CEACAM18: variants seen among roughly 807,000 people sequenced by gnomAD.
CEACAM18 encodes CEA cell adhesion molecule 18, also known as cell adhesion molecule CEACAM18.
Under a neutral mutation model 34.3 loss-of-function variants are expected in CEACAM18, and 33 were observed. That is an observed-to-expected ratio of 0.96 (90% CI 0.73 to 1.29). The LOEUF (loss-of-function observed/expected upper bound fraction) is 1.29. Among genes scored for constraint, CEACAM18 ranks in the 50% most tolerant of loss-of-function variants. CEACAM18 has a pLI of 0.00. For synonymous variants in CEACAM18, 169 were observed against 180.9 expected, an observed-to-expected ratio of 0.93 and a Z score of 0.53; for missense variants, 474 against 485.0, an observed-to-expected ratio of 0.98 and a Z score of 0.21.
intron 5 of CEACAM18, among the ~76,000 whole-genome samples, chr19:51,486,719 CTTTCT>C (rs1188196400): frequency 7.3e-6 from 1 of 136,710 alleles, no homozygotes; most frequent in Non-Finnish European, 1.5e-5. Flanking sequence ...TCTTTCTTTT[CTTTCT>C]TTTTTTTTTT....
chr19:51,481,082 C>A lies in CEACAM18; in HGVS notation c.401-311C>A, dbSNP rs544493892. On this transcript the variant is annotated intron_variant, in intron 2 of 5. Coordinates refer to ENST00000396477, the Ensembl canonical transcript of CEACAM18. ...GCCAAATGCCACCTCTCACTCAGAA[C>A]CTCTCGTGTCTCCTGGATGAGGGTC... 2.6e-5 allele frequency among the ~76,000 whole-genome samples: 4 copies of A among 152,274 alleles called. No homozygotes were observed. In the South Asian group the frequency reaches 8.3e-4, roughly 32 times the overall value.
At chr19:51,481,529 C>T (rs188923363) in exon 3 of CEACAM18, 1 of 1,613,968 alleles carries the variant, frequency 6.2e-7, no homozygotes, top group African/African-American at 1.3e-5. Flanking sequence ...CTAGTAGTGA[C>T]CGGATGACAA....
intron 1 of CEACAM18, among the ~76,000 whole-genome samples, chr19:51,480,109 G>A (rs73558842): frequency 0.021 from 3,134 of 152,210 alleles, 103 homozygotes; most frequent in African/African-American, 0.072. Flanking sequence ...TGTGGCTAGC[G>A]AGGAGGGCCT....
intron 1 of CEACAM18, 87 bp downstream of exon 1, chr19:51,478,781 T>G: frequency 1.0e-5 from 10 of 964,966 alleles, no homozygotes; most frequent in Non-Finnish European, 1.3e-5. Context: ...GCTGGGACCA[T>G]CCCCATCCAC....
chr19:51,486,804 G>A (rs1245870795), intron 5 of CEACAM18, among the ~76,000 whole-genome samples: 12 of 148,190 alleles, frequency 8.1e-5, no homozygotes, highest in Middle Eastern at 3.2e-3. Flanking sequence ...TGCAAGCTCC[G>A]CCTCCCAGGT....
At chr19:51,478,684 C>T in exon 1 of CEACAM18, 23 of 1,466,434 alleles carry the variant, frequency 1.6e-5, no homozygotes, top group Non-Finnish European at 2.1e-5. Context: ...GGAGGAGGGT[C>T]TTCCTCATGG....
chr19:51,480,194 A>G (rs1568522949), intron 1 of CEACAM18, 139 bp from the exon 2 acceptor site: 6 of 701,252 alleles, frequency 8.6e-6, no homozygotes, highest in South Asian at 7.7e-5. Context: ...TGGGGACTCT[A>G]CCAGGAGCCA....
chr19:51,483,127 G>T, exon 4 of CEACAM18: 1 of 1,613,960 alleles, frequency 6.2e-7, no homozygotes, highest in Non-Finnish European at 8.5e-7. Context: ...TTCCTTCCTG[G>T]ATCTCAAGTA....
intron 5 of CEACAM18, among the ~76,000 whole-genome samples, chr19:51,489,170 AAAGTG>A (rs1269255120): frequency 1.4e-4 from 21 of 148,308 alleles, no homozygotes; most frequent in African/African-American, 2.2e-4. Flanking sequence ...CTCATCATCC[AAAGTG>A]AAATTTTGGA....
chr19:51,490,917 G>A (rs1990082238), exon 6 of CEACAM18: 2 of 333,960 alleles, frequency 6.0e-6, no homozygotes, highest in South Asian at 1.5e-4. Context: ...CGCAAAGCTG[G>A]GCTCTAATTC....
intron 3 of CEACAM18, among the ~76,000 whole-genome samples, chr19:51,482,257 C>T (rs941820057): frequency 6.6e-6 from 1 of 152,136 alleles, no homozygotes; most frequent in African/African-American, 2.4e-5. Context: ...TCTTGGAAAT[C>T]GAATACGCTG....
intron 1 of CEACAM18, among the ~76,000 whole-genome samples, chr19:51,479,528 G>A (rs1989871301): frequency 6.6e-6 from 1 of 152,202 alleles, no homozygotes. Context: ...CACAGTCCAG[G>A]GCGAGATATA....
chr19:51,479,218 T>A (rs1168368441), intron 1 of CEACAM18, among the ~76,000 whole-genome samples: 1 of 152,126 alleles, frequency 6.6e-6, no homozygotes, highest in Non-Finnish European at 1.5e-5. Flanking sequence ...AGGTCCAGTG[T>A]GTCCATACGT....
chr19:51,486,004 C>T (rs902616669), intron 5 of CEACAM18, among the ~76,000 whole-genome samples: 3 of 151,860 alleles, frequency 2.0e-5, no homozygotes, highest in African/African-American at 7.3e-5. Context: ...AGGATGATGA[C>T]GTTAATGATG....
chr19:51,480,800 T>A (rs62115069), intron 2 of CEACAM18, 120 bp downstream of exon 2: 148,529 of 920,670 alleles, frequency 0.16, 13,211 homozygotes, highest in Middle Eastern at 0.23. Context: ...CGCCCTGGAA[T>A]CTTGTGTACC....
At chr19:51,484,318 C>A (rs971606095) in intron 4 of CEACAM18, among the ~76,000 whole-genome samples, 4 of 141,382 alleles carry the variant, frequency 2.8e-5, no homozygotes, top group African/African-American at 5.2e-5. Context: ...GCTGGGGAAG[C>A]TTTTTTTTTT....
chr19:51,490,720 T>C, exon 6 of CEACAM18: 2 of 890,272 alleles, frequency 2.2e-6, no homozygotes, highest in Non-Finnish European at 3.0e-6. Context: ...GTCCAGGGTC[T>C]CTTTGGAGGG....
chr19:51,484,123 G>A (rs1428251685), intron 4 of CEACAM18, among the ~76,000 whole-genome samples: 1 of 152,140 alleles, frequency 6.6e-6, no homozygotes, highest in African/African-American at 2.4e-5. Flanking sequence ...GGTGCTGTGA[G>A]AATAAAATGA....
chr19:51,483,286 G>A (rs775871711), exon 4 of CEACAM18: 2 of 1,613,848 alleles, frequency 1.2e-6, no homozygotes, highest in East Asian at 2.2e-5. Context: ...CAGGATCCAG[G>A]CCCCCCATGA....
Sources: allele counts gnomAD v4.1 joint callset (sites outside exome capture counted in the v4.1 genomes callset), GRCh38; gene constraint gnomAD v4.1.1; transcripts MANE v1.5; gene names NCBI Gene and HGNC (gene_info 2026-07-23, HGNC 2026-07-21).